RNF220: variants seen among roughly 807,000 people sequenced by gnomAD.
The protein encoded by RNF220 is E3 ubiquitin-protein ligase RNF220.
A neutral mutation model predicts 67.1 loss-of-function variants in RNF220; 7 were observed. The ratio of observed to expected loss-of-function variants is 0.10; its 90% CI spans 0.06 to 0.20. The LOEUF is 0.20. Among genes scored for constraint, RNF220 ranks in the 10% least tolerant of loss-of-function variants. The pLI is 1.00. For synonymous variants in RNF220, 270 were observed against 283.2 expected (o/e 0.95, Z 0.47); for missense variants, 565 against 740.3 (o/e 0.76, Z 2.75).
At chr1:44,631,979 G>GGCC (rs930456088) in intron 5 of RNF220, 48 of 1,001,720 alleles carry the variant, frequency 4.8e-5, no homozygotes, top group Middle Eastern at 4.9e-4. Flanking sequence ...GGGCCAACAT[G>GGCC]GCCGCCGCCG....
At chr1:44,635,954 T>C in intron 7 of RNF220, 76 bp from the exon 8 acceptor site, 3 of 1,607,154 alleles carry the variant, frequency 1.9e-6, no homozygotes, top group Non-Finnish European at 2.6e-6. Context: ...GGGCTAGAGC[T>C]GTGCCTTCGT....
At chr1:44,468,268 C>T (rs183963108) in intron 2 of RNF220, among the ~76,000 whole-genome samples, 36 of 152,170 alleles carry the variant, frequency 2.4e-4, no homozygotes, top group African/African-American at 8.4e-4. Context: ...AAGAGACATT[C>T]GCATATATTG....
At chr1:44,410,777 T>C (rs1647880404) in intron 1 of RNF220, 1 of 152,340 alleles carries the variant, frequency 6.6e-6, no homozygotes, top group Non-Finnish European at 1.5e-5. Context: ...TGATTTTTGG[T>C]TATGCTTTGA....
chr1:44,631,773 T>G, intron 5 of RNF220: 6 of 367,182 alleles, frequency 1.6e-5, no homozygotes, highest in South Asian at 1.1e-4. Context: ...GGAGGGGTCG[T>G]GGAGTGGGGT....
chr1:44,541,362 A>G (rs1388799060), intron 2 of RNF220, among the ~76,000 whole-genome samples: 1 of 152,222 alleles, frequency 6.6e-6, no homozygotes, highest in East Asian at 1.9e-4. Flanking sequence ...CGGGAAGCAG[A>G]GGTTGCAGTA....
chr1:44,539,598 C>T (rs959064396), intron 2 of RNF220, among the ~76,000 whole-genome samples: 29 of 152,132 alleles, frequency 1.9e-4, no homozygotes, highest in African/African-American at 4.8e-4. Flanking sequence ...CAGGAGCCAA[C>T]AGGAACTAGT....
chr1:44,439,647 AT>A (rs147309938), intron 2 of RNF220, among the ~76,000 whole-genome samples: 137 of 150,354 alleles, frequency 9.1e-4, no homozygotes, highest in African/African-American at 2.8e-3. Context: ...GCATTTTATC[AT>A]TTTTTTTTCC....
chr1:44,485,026 C>G (rs1479464750), intron 2 of RNF220, among the ~76,000 whole-genome samples: 3 of 152,074 alleles, frequency 2.0e-5, no homozygotes, highest in African/African-American at 7.2e-5. Context: ...GCCTGTAGTC[C>G]CAGCTACTTG....
At chr1:44,439,415 T>C (rs1428491277) in intron 2 of RNF220, among the ~76,000 whole-genome samples, 1 of 152,076 alleles carries the variant, frequency 6.6e-6, no homozygotes, top group Non-Finnish European at 1.5e-5. Flanking sequence ...GAGCTCTTTT[T>C]AATAGGAAGG....
chr1:44,425,282 C>A (rs1222260307), intron 2 of RNF220, among the ~76,000 whole-genome samples: 1 of 152,138 alleles, frequency 6.6e-6, no homozygotes, highest in African/African-American at 2.4e-5. Context: ...AAACACTCAT[C>A]ACATTAAATT....
rs929304654 is a variant in RNF220 at position 44,636,077 on chromosome 1, T to C, written c.1041T>C (p.His347=). 6.2e-6 allele frequency: 10 copies of C among 1,614,066 alleles called. No homozygotes were observed. In the African/African-American group the frequency reaches 8.0e-5, roughly 13 times the overall value. ...MAEDDAVDIE[H]ENNNRFEEYE... ...AGGATGATGCTGTGGACATCGAGCA[T>C]GAGAACAACAACCGCTTTGAGGAGT... Residue 347 remains histidine, a synonymous_variant, in exon 8 of 15, where the codon CAT becomes CAC. Coordinates refer to ENST00000361799, the MANE Select transcript of RNF220 (RefSeq NM_018150.4).
chr1:44,517,538 A>T (rs1266547417), intron 2 of RNF220, among the ~76,000 whole-genome samples: 1 of 151,918 alleles, frequency 6.6e-6, no homozygotes, highest in Non-Finnish European at 1.5e-5. Context: ...ATTGTCTTCA[A>T]GTGTGTTTGA....
Position 44,650,007 on chromosome 1 carries a change from C to T in RNF220, c.1629+50C>T, listed in dbSNP as rs377332334. ...ATGGGAGGCCGCTCCGGGCACTGCC[C>T]AGATGTCTGTGCTTATGCCTGAGCC... On this transcript the variant is annotated intron_variant, in intron 14 of 14. Coordinates refer to ENST00000361799, the MANE Select transcript of RNF220 (RefSeq NM_018150.4). The surrounding 1 kb of genome is among the most constrained non-coding windows in gnomAD (Gnocchi z 4.3). The T allele has an allele frequency of 1.2e-4, 189 of 1,577,424 alleles. No individual in the cohort carries two copies. Among genetic ancestry groups the T allele is most frequent in the Non-Finnish European group, 1.6e-4 (180 of 1,153,836 alleles).
At chr1:44,636,583 CACATTGG>C in intron 8 of RNF220, 3 of 628,394 alleles carry the variant, frequency 4.8e-6, no homozygotes, top group Non-Finnish European at 8.8e-6. Flanking sequence ...TCCAGGCAAA[CACATTGG>C]ATTTTCCTCC....
At chr1:44,549,591 G>A (rs1344901600) in intron 2 of RNF220, among the ~76,000 whole-genome samples, 1 of 152,190 alleles carries the variant, frequency 6.6e-6, no homozygotes, top group African/African-American at 2.4e-5. Context: ...TCAGCCTGAT[G>A]TCTCTTCCCT....
chr1:44,612,774 T>G (rs1308769723), intron 2 of RNF220, among the ~76,000 whole-genome samples: 1 of 151,788 alleles, frequency 6.6e-6, no homozygotes, highest in Non-Finnish European at 1.5e-5. Flanking sequence ...AAAAAAAAAT[T>G]TATTATCTGA....
chr1:44,551,216 G>A (rs189190756), intron 2 of RNF220, among the ~76,000 whole-genome samples: 53 of 140,846 alleles, frequency 3.8e-4, no homozygotes, highest in Admixed American at 1.3e-3. Context: ...CTGGATTCAA[G>A]CAATTCTCTT....
chr1:44,413,097 C>G (rs570870230), intron 2 of RNF220, among the ~76,000 whole-genome samples: 1 of 152,306 alleles, frequency 6.6e-6, no homozygotes, highest in East Asian at 1.9e-4. Context: ...CACCCCTCCT[C>G]TCTTTGCTGT....
chr1:44,438,679 A>C (rs889212105), intron 2 of RNF220, among the ~76,000 whole-genome samples: 5 of 152,148 alleles, frequency 3.3e-5, no homozygotes, highest in Non-Finnish European at 5.9e-5. Context: ...GGAGACAAAA[A>C]CCCTATACCA....
Sources: allele counts gnomAD v4.1 joint callset (sites outside exome capture counted in the v4.1 genomes callset), GRCh38; gene constraint gnomAD v4.1.1; non-coding constraint Gnocchi (gnomAD v3.1); transcripts MANE v1.5; gene names NCBI Gene and HGNC (gene_info 2026-07-23, HGNC 2026-07-21).